The following TXNDC9 variants were observed in gnomAD, a reference collection of about 807,000 sequenced individuals.
TXNDC9 encodes thioredoxin domain-containing protein 9.
Under a neutral mutation model 23.0 loss-of-function variants are expected in TXNDC9, and 7 were observed. That is an observed-to-expected ratio of 0.30 (90% CI 0.17 to 0.57). The LOEUF (loss-of-function observed/expected upper bound fraction) is 0.57. TXNDC9 is among the 20% of genes least tolerant of loss of function. The pLI is 0.90. For missense variants in TXNDC9, 198 were observed against 252.6 expected, an observed-to-expected ratio of 0.78 and a Z score of 1.47; for synonymous variants, 72 against 90.6, an observed-to-expected ratio of 0.79 and a Z score of 1.17.
chr2:99,329,188 G>A (rs1045176386), intron 2 of TXNDC9, among the ~76,000 whole-genome samples: 16 of 152,106 alleles, frequency 1.1e-4, no homozygotes, highest in Non-Finnish European at 5.9e-5. Flanking sequence ...TCTGGTCTGT[G>A]GATTCCAGCT....
At chr2:99,325,081 G>GTATAA (rs2094210187) in intron 3 of TXNDC9, among the ~76,000 whole-genome samples, 2 of 152,020 alleles carry the variant, frequency 1.3e-5, no homozygotes, top group Non-Finnish European at 2.9e-5. Context: ...CAACAGTCAT[G>GTATAA]GTATAAATAG....
At chr2:99,315,328 GT>G (rs2094186778), downstream of TXNDC9, among the ~76,000 whole-genome samples, 1 of 152,042 alleles carries the variant, frequency 6.6e-6, no homozygotes, top group African/African-American at 2.4e-5. Flanking sequence ...GCCTCCCAAA[GT>G]GCTGGAATTA....
downstream of TXNDC9, among the ~76,000 whole-genome samples, chr2:99,318,480 T>A (rs2094194696): frequency 6.6e-6 from 1 of 152,192 alleles, no homozygotes; most frequent in African/African-American, 2.4e-5. Flanking sequence ...GGCCCAGAGC[T>A]GTTTTTATGA....
chr2:99,309,600 G>A, the TXNDC9 span, among the ~76,000 whole-genome samples: 1 of 152,146 alleles, frequency 6.6e-6, no homozygotes, highest in Non-Finnish European at 1.5e-5. Context: ...TTGGGAGGCT[G>A]AGGTAGGTGG....
the TXNDC9 span, among the ~76,000 whole-genome samples, chr2:99,308,923 C>T: frequency 2.2e-4 from 34 of 151,900 alleles, no homozygotes; most frequent in African/African-American, 7.5e-4. Flanking sequence ...AGGATGGTCT[C>T]GATCTCCTGA....
rs528602849 is a variant in TXNDC9 at position 99,330,290 on chromosome 2, C to CAA, written c.190-2639_190-2638dup. Among the ~76,000 whole-genome samples, 29 of 28,162 alleles carry CAA rather than the reference C, an allele frequency of 1.0e-3. 3 individuals are homozygous for CAA. The South Asian group carries it at 0.018, about 18-fold the overall frequency. The allele number at this position is 28,162 out of a possible 152,430, so 18.5% of individuals were successfully genotyped here. On this transcript the variant is annotated intron_variant, in intron 2 of 4. Transcript: ENST00000264255. Reference sequence around the variant, plus strand: ...GGGCAACAGAGCAAGACTCTTATCTCAAAAAAAAAAAAAAAAAAAAAAAAA... The same window carrying CAA: ...GGGCAACAGAGCAAGACTCTTATCTCAAAAAAAAAAAAAAAAAAAAAAAAAAA...
chr2:99,335,981 G>C (rs1326060789), intron 1 of TXNDC9, among the ~76,000 whole-genome samples: 1 of 152,156 alleles, frequency 6.6e-6, no homozygotes, highest in Non-Finnish European at 1.5e-5. Context: ...ACAATCAAGG[G>C]GCCTGGTCCT....
At chr2:99,315,277 G>A (rs951131206), downstream of TXNDC9, among the ~76,000 whole-genome samples, 2 of 151,918 alleles carry the variant, frequency 1.3e-5, no homozygotes, top group African/African-American at 2.4e-5. Context: ...GTGTTAGCCA[G>A]GATGGTCTCG....
At chr2:99,325,793 C>T (rs2094211722) in intron 3 of TXNDC9, among the ~76,000 whole-genome samples, 1 of 152,048 alleles carries the variant, frequency 6.6e-6, no homozygotes, top group East Asian at 1.9e-4. Flanking sequence ...GGTGGTTCAC[C>T]TGAGGTCAAG....
the TXNDC9 span, among the ~76,000 whole-genome samples, chr2:99,313,776 C>A: frequency 6.6e-6 from 1 of 152,178 alleles, no homozygotes; most frequent in South Asian, 2.1e-4. Flanking sequence ...TTCTAGCCTG[C>A]CATTGACAGT....
downstream of TXNDC9, among the ~76,000 whole-genome samples, chr2:99,318,339 C>T (rs1458163834): frequency 6.6e-6 from 1 of 152,110 alleles, no homozygotes; most frequent in African/African-American, 2.4e-5. Flanking sequence ...TAGTCAGTCC[C>T]TTTATTAAAT....
At chr2:99,333,337 T>C in intron 1 of TXNDC9, 95 bp from the exon 2 acceptor site, 1 of 979,738 alleles carries the variant, frequency 1.0e-6, no homozygotes, top group Non-Finnish European at 1.5e-6. Context: ...GTGTATAATG[T>C]GTACTCTATG....
intron 2 of TXNDC9, among the ~76,000 whole-genome samples, chr2:99,331,685 G>A (rs1298275992): frequency 6.6e-6 from 1 of 152,140 alleles, no homozygotes; most frequent in Non-Finnish European, 1.5e-5. Flanking sequence ...AAACATGAGG[G>A]TGTAAACATA....
At chr2:99,320,740 G>A (rs578121969) in intron 4 of TXNDC9, among the ~76,000 whole-genome samples, 1 of 152,222 alleles carries the variant, frequency 6.6e-6, no homozygotes, top group South Asian at 2.1e-4. Context: ...AAGTCTTTAG[G>A]AGTAAAGGGA....
At chr2:99,321,923 T>G (rs754642077) in intron 4 of TXNDC9, 32 bp downstream of exon 4, 2 of 1,564,420 alleles carry the variant, frequency 1.3e-6, no homozygotes, top group Non-Finnish European at 1.7e-6. Flanking sequence ...ATATATGAAT[T>G]AAAATCAATC....
Position 99,327,777 on chromosome 2 carries a change from T to G in TXNDC9, c.190-124A>C, listed in dbSNP as rs954240029. 39 of 594,992 alleles carry G rather than the reference T, an allele frequency of 6.6e-5. No homozygotes were observed. The South Asian group carries it at 7.0e-4, about 11-fold the overall frequency. 36.9% of individuals were successfully genotyped at this position (594,992 alleles called of 1,614,324 possible). A position where few individuals can be genotyped will look rare whatever the true frequency, so the allele number is the denominator to read the frequency against. Reference sequence around the variant, plus strand: ...AGTCAATTAAAAAAAAAAGTTTTTTTTTTGTTTGTTTTTGTTTTTTTTTTT... The same window carrying G: ...AGTCAATTAAAAAAAAAAGTTTTTTGTTTGTTTGTTTTTGTTTTTTTTTTT... On this transcript the variant is annotated intron_variant, in intron 2 of 4. Transcript: ENST00000264255.
intron 3 of TXNDC9, among the ~76,000 whole-genome samples, chr2:99,324,031 C>T (rs200448958): frequency 2.0e-4 from 30 of 151,948 alleles, no homozygotes; most frequent in African/African-American, 7.2e-4. Context: ...TTTTTAGTAG[C>T]GATGGGGTTT....
chr2:99,307,118 CTCTT>C, the TXNDC9 span, among the ~76,000 whole-genome samples: 5 of 121,108 alleles, frequency 4.1e-5, no homozygotes, highest in African/African-American at 8.3e-5. Flanking sequence ...CACTCTCTCT[CTCTT>C]TCTCTCTCTC....
downstream of TXNDC9, among the ~76,000 whole-genome samples, chr2:99,317,281 T>C (rs2094191447): frequency 1.3e-5 from 2 of 152,336 alleles, no homozygotes; most frequent in East Asian, 1.9e-4. Flanking sequence ...GTATGTCTTG[T>C]AGTTTGTTGT....
Sources: allele counts gnomAD v4.1 joint callset (sites outside exome capture counted in the v4.1 genomes callset), GRCh38; gene constraint gnomAD v4.1.1; transcripts MANE v1.5; gene names NCBI Gene and HGNC (gene_info 2026-07-23, HGNC 2026-07-21).